The following RCAN1 variants were observed in gnomAD, a reference collection of about 807,000 sequenced individuals.
The protein encoded by RCAN1 is regulator of calcineurin 1.
Under a neutral mutation model 22.9 loss-of-function variants are expected in RCAN1, and 11 were observed. The observed-to-expected ratio is 0.48, with a 90% confidence interval of 0.30 to 0.79. The LOEUF (loss-of-function observed/expected upper bound fraction) is 0.79, where lower values mean the gene tolerates loss of function less well. Ranked by LOEUF, RCAN1 falls within the 30% of genes least tolerant of loss-of-function variation. The probability of loss-of-function intolerance (pLI) is 0.06; values close to 1 mark genes in which losing one functional copy is unlikely to be tolerated. For missense variants in RCAN1, 291 were observed against 337.8 expected (o/e 0.86, Z 1.09); for synonymous variants, 136 against 142.3 (o/e 0.96, Z 0.32).
chr21:34,591,811 C>T (rs1461732204), intron 1 of RCAN1, among the ~76,000 whole-genome samples: 2 of 152,216 alleles, frequency 1.3e-5, no homozygotes, highest in African/African-American at 4.8e-5. Flanking sequence ...CCAATTCTCC[C>T]TGCCCCACCC....
chr21:34,526,784 C>G, intron 1 of RCAN1: 1 of 1,595,316 alleles, frequency 6.3e-7, no homozygotes, highest in Non-Finnish European at 8.5e-7. Context: ...TACAGACCCA[C>G]GCAGTCAAGC....
chr21:34,589,978 T>G (rs538045022), intron 1 of RCAN1, among the ~76,000 whole-genome samples: 7 of 152,380 alleles, frequency 4.6e-5, no homozygotes, highest in African/African-American at 1.7e-4. Context: ...TCTGTTTCCC[T>G]GGAGAACCCT....
intron 1 of RCAN1, among the ~76,000 whole-genome samples, chr21:34,590,134 A>G (rs75957730): frequency 0.035 from 5,347 of 152,224 alleles, 254 homozygotes; most frequent in South Asian, 0.11. Flanking sequence ...CCTGGACCTT[A>G]CCAGAGAGGT....
rs1352037635 is a variant in RCAN1, at chr21:34,538,882, C to T, written c.253-15172G>A. Among the ~76,000 whole-genome samples the T allele has an allele frequency of 2.0e-5, 3 of 152,094 alleles. No homozygotes were observed. The South Asian group carries it at 6.2e-4, about 32-fold the overall frequency. On this transcript the variant is annotated intron_variant, in intron 1 of 3. Transcript: ENST00000313806. ...TGTGTCACTGTGACCAGTGCACCGA[C>T]CAGCTAACCGACCAACCCGCAAGGC...
intron 1 of RCAN1, chr21:34,525,045 A>G: frequency 1.3e-6 from 2 of 1,548,166 alleles, no homozygotes; most frequent in Non-Finnish European, 1.7e-6. Context: ...GGGATGGCGC[A>G]GGGTGTGGAT....
At chr21:34,553,889 G>C (rs1986459260) in intron 1 of RCAN1, among the ~76,000 whole-genome samples, 1 of 152,198 alleles carries the variant, frequency 6.6e-6, no homozygotes, top group South Asian at 2.1e-4. Context: ...GGGATAAGAA[G>C]CAGCAACTAC....
chr21:34,577,333 C>T (rs1487355646), intron 1 of RCAN1, among the ~76,000 whole-genome samples: 6 of 152,110 alleles, frequency 3.9e-5, no homozygotes, highest in African/African-American at 1.2e-4. Context: ...CATGGTGGCA[C>T]GTGCCTATAA....
chr21:34,532,361 C>T (rs931697114), intron 1 of RCAN1, among the ~76,000 whole-genome samples: 5 of 152,184 alleles, frequency 3.3e-5, no homozygotes, highest in African/African-American at 1.2e-4. Flanking sequence ...AAATGTTTGT[C>T]ACCCCAAACC....
chr21:34,607,189 G>C (rs2123733921), intron 1 of RCAN1, among the ~76,000 whole-genome samples: 1 of 152,262 alleles, frequency 6.6e-6, no homozygotes, highest in East Asian at 1.9e-4. Flanking sequence ...TCAGAAATAT[G>C]GTGGGTAACT....
chr21:34,590,031 C>T (rs1474070922), intron 1 of RCAN1, among the ~76,000 whole-genome samples: 2 of 152,232 alleles, frequency 1.3e-5, no homozygotes, highest in East Asian at 1.9e-4. Flanking sequence ...ATACCCATTT[C>T]CCTTTGATCA....
At chr21:34,588,161 C>T (rs1175180955) in intron 1 of RCAN1, among the ~76,000 whole-genome samples, 1 of 152,160 alleles carries the variant, frequency 6.6e-6, no homozygotes, top group Non-Finnish European at 1.5e-5. Context: ...AGTCAATAAG[C>T]ATTTCATAAA....
chr21:34,525,283 C>A, intron 1 of RCAN1: 1 of 1,549,084 alleles, frequency 6.5e-7, no homozygotes, highest in Non-Finnish European at 8.7e-7. Flanking sequence ...GCAGTCGGAA[C>A]AACCTACGAC....
At position 34,518,212 on chromosome 21, in the gene RCAN1, C is replaced by A; in HGVS notation, c.631G>T (p.Val211Leu). Residue 211 changes from valine to leucine, a missense_variant, in exon 4 of 4, where the codon GTG becomes TTG. Transcript: ENST00000313806. The surrounding 1 kb of genome is among the most constrained non-coding windows in gnomAD (Gnocchi z 4.2). ...TCACTCTCACATACATGGACCACCA[C>A]GCTGGGAGTGGTGTCAGTCGCTGCG... ...LHAATDTTPS[V>L]VVHVCESDQE... The A allele has an allele frequency of 6.2e-7, 1 of 1,614,196 alleles. No homozygotes were observed. The highest frequency in any genetic ancestry group is 8.5e-7 in the Non-Finnish European group (1 of 1,180,036).
At chr21:34,550,905 T>A (rs1320581842) in intron 1 of RCAN1, among the ~76,000 whole-genome samples, 1 of 152,144 alleles carries the variant, frequency 6.6e-6, no homozygotes, top group East Asian at 1.9e-4. Flanking sequence ...TCCAATGGAG[T>A]GGGCAGAGCT....
chr21:34,558,496 A>AT, intron 1 of RCAN1, among the ~76,000 whole-genome samples: 1 of 152,386 alleles, frequency 6.6e-6, no homozygotes, highest in Non-Finnish European at 1.5e-5. Context: ...GAAAACGTTC[A>AT]TCATTGTTTA....
At chr21:34,613,918 C>CTGT in intron 1 of RCAN1, 2 of 1,288,940 alleles carry the variant, frequency 1.6e-6, no homozygotes, top group Non-Finnish European at 2.0e-6. Flanking sequence ...CCTAATGGGG[C>CTGT]ATCTCTCAAA....
chr21:34,548,993 T>C (rs1362262188), intron 1 of RCAN1, among the ~76,000 whole-genome samples: 1 of 152,252 alleles, frequency 6.6e-6, no homozygotes, highest in Non-Finnish European at 1.5e-5. Context: ...AGCAAACAGT[T>C]CGTTGTGGTC....
intron 3 of RCAN1, 22 bp downstream of exon 3, chr21:34,521,477 C>T (rs1236901902): frequency 6.2e-7 from 1 of 1,614,000 alleles, no homozygotes. Context: ...CTGCCTCCCT[C>T]CCACCCGAGG....
At chr21:34,556,341 G>A (rs1986571263) in intron 1 of RCAN1, among the ~76,000 whole-genome samples, 2 of 150,526 alleles carry the variant, frequency 1.3e-5, no homozygotes, top group African/African-American at 2.4e-5. Context: ...TAGGAGAATC[G>A]CTTGAGCCCA....
Sources: allele counts gnomAD v4.1 joint callset (sites outside exome capture counted in the v4.1 genomes callset), GRCh38; gene constraint gnomAD v4.1.1; non-coding constraint Gnocchi (gnomAD v3.1); transcripts MANE v1.5; gene names NCBI Gene and HGNC (gene_info 2026-07-23, HGNC 2026-07-21).